Variants in MLLT3 observed in about 807,000 individuals in gnomAD.
The protein encoded by MLLT3 is MLLT3 super elongation complex subunit.
MLLT3 carries 4 observed loss-of-function variants against 53.2 expected under a neutral mutation model. The ratio of observed to expected loss-of-function variants is 0.08; its 90% confidence interval spans 0.04 to 0.17. The LOEUF is 0.17. Among genes scored for constraint, MLLT3 ranks in the 10% least tolerant of loss-of-function variants. MLLT3 has a pLI of 1.00. For missense variants in MLLT3, 569 were observed against 684.0 expected (o/e 0.83, Z 1.87); for synonymous variants, 283 against 230.6 (o/e 1.23, Z -2.06).
chr9:20,598,521 T>G (rs1001135045), intron 2 of MLLT3, among the ~76,000 whole-genome samples: 2 of 152,220 alleles, frequency 1.3e-5, no homozygotes, highest in African/African-American at 4.8e-5. Context: ...GGCTTTAGTT[T>G]TGCTTTTATC....
intron 2 of MLLT3, among the ~76,000 whole-genome samples, chr9:20,573,067 A>G (rs960502705): frequency 1.3e-5 from 2 of 151,906 alleles, no homozygotes; most frequent in African/African-American, 4.8e-5. Context: ...TGATACTTTC[A>G]TATCTCCCAC....
chr9:20,397,067 T>C (rs900125726), intron 5 of MLLT3, among the ~76,000 whole-genome samples: 2 of 152,174 alleles, frequency 1.3e-5, no homozygotes, highest in African/African-American at 4.8e-5. Flanking sequence ...CTTTCTTAGA[T>C]AAATCACACT....
intron 2 of MLLT3, among the ~76,000 whole-genome samples, chr9:20,510,657 G>T (rs1375244647): frequency 4.6e-5 from 7 of 150,918 alleles, no homozygotes; most frequent in African/African-American, 1.7e-4. Flanking sequence ...AAAACTTGGT[G>T]ATTGTTAATA....
At chr9:20,384,072 T>C (rs1821970604) in intron 5 of MLLT3, among the ~76,000 whole-genome samples, 1 of 151,982 alleles carries the variant, frequency 6.6e-6, no homozygotes, top group Non-Finnish European at 1.5e-5. Context: ...CTCAAGAAAA[T>C]GATCCACTTA....
intron 2 of MLLT3, among the ~76,000 whole-genome samples, chr9:20,496,044 T>C (rs540157819): frequency 1.3e-5 from 2 of 152,324 alleles, no homozygotes; most frequent in Admixed American, 1.3e-4. Flanking sequence ...TTGCCCAATA[T>C]GCAACATGTC....
chr9:20,423,082 T>G (rs116210241), intron 4 of MLLT3, among the ~76,000 whole-genome samples: 1 of 152,288 alleles, frequency 6.6e-6, no homozygotes, highest in African/African-American at 2.4e-5. Context: ...TCTTTGGAGA[T>G]GGTCTTGCTC....
chr9:20,599,294 ACT>A (rs1415914884), intron 2 of MLLT3, among the ~76,000 whole-genome samples: 2 of 144,182 alleles, frequency 1.4e-5, no homozygotes, highest in East Asian at 2.0e-4. Flanking sequence ...ACAGAGTAAG[ACT>A]CTGTCTCCAA....
At chr9:20,560,590 T>C (rs988735800) in intron 2 of MLLT3, among the ~76,000 whole-genome samples, 1 of 152,010 alleles carries the variant, frequency 6.6e-6, no homozygotes, top group African/African-American at 2.4e-5. Context: ...AAGAAGTAGA[T>C]ATAGGGTGTG....
intron 4 of MLLT3, among the ~76,000 whole-genome samples, chr9:20,435,853 G>A (rs1431667633): frequency 2.0e-5 from 3 of 151,988 alleles, no homozygotes; most frequent in African/African-American, 4.8e-5. Context: ...CTGTCTTATC[G>A]GTCCTAGATT....
rs528262311 is a variant in MLLT3 at position 20,421,228 on chromosome 9, C to T, written c.421-6803G>A. 2.6e-5 allele frequency among the ~76,000 whole-genome samples: 4 copies of T among 152,178 alleles called. No homozygotes were observed. In the East Asian group the frequency reaches 7.7e-4, roughly 29 times the overall value. On this transcript the variant is annotated intron_variant, in intron 4 of 10. Transcript: ENST00000380338. ...TCAGTGAGCCAAGATTGCGCCACTGCACTCCAGCCTGGGCAATAGAGCAAG... is the reference window on the plus strand; with the variant it reads ...TCAGTGAGCCAAGATTGCGCCACTGTACTCCAGCCTGGGCAATAGAGCAAG...
intron 2 of MLLT3, among the ~76,000 whole-genome samples, chr9:20,472,353 C>T (rs984371423): frequency 6.6e-6 from 1 of 152,030 alleles, no homozygotes; most frequent in African/African-American, 2.4e-5. Context: ...ATATGTGTTG[C>T]CGGCCATTCA....
intron 2 of MLLT3, among the ~76,000 whole-genome samples, chr9:20,608,346 T>C (rs1820617378): frequency 6.6e-6 from 1 of 151,924 alleles, no homozygotes; most frequent in Admixed American, 6.6e-5. Context: ...ACATGTTAAT[T>C]ATCAAAGTTA....
rs114461124 is a variant in MLLT3, at chr9:20,443,336, T to C, written c.420+4787A>G. Among the ~76,000 whole-genome samples, 959 of 152,318 alleles carry C rather than the reference T, an allele frequency of 6.3e-3. 10 individuals carry two copies. Among genetic ancestry groups the C allele is most frequent in the African/African-American group, 0.022 (926 of 41,562 alleles). The stretch of plus-strand genomic sequence containing the variant: ...GTAGAAGCACAAGGATCCAACTACC[T>C]TGCTGGTCATATATGTGAACTCTTC... On this transcript the variant is annotated intron_variant, in intron 4 of 10. Transcript: ENST00000380338.
At chr9:20,446,455 C>A (rs1823702990) in intron 4 of MLLT3, among the ~76,000 whole-genome samples, 1 of 152,160 alleles carries the variant, frequency 6.6e-6, no homozygotes, top group Non-Finnish European at 1.5e-5. Flanking sequence ...AACCTCTCTT[C>A]CAGCTCACAG....
At chr9:20,485,629 T>A (rs6475442) in intron 2 of MLLT3, among the ~76,000 whole-genome samples, 110,629 of 151,838 alleles carry the variant, frequency 0.73, 40,410 homozygotes, top group Middle Eastern at 0.86. Flanking sequence ...CAAGATGTTT[T>A]AAATCACATT....
At chr9:20,515,367 A>G (rs1476551633) in intron 2 of MLLT3, among the ~76,000 whole-genome samples, 1 of 152,198 alleles carries the variant, frequency 6.6e-6, no homozygotes, top group East Asian at 1.9e-4. Context: ...GTTTGTTTTG[A>G]AATTTTAAGT....
At chr9:20,452,235 T>G (rs753730289) in intron 3 of MLLT3, among the ~76,000 whole-genome samples, 1 of 152,190 alleles carries the variant, frequency 6.6e-6, no homozygotes, top group Non-Finnish European at 1.5e-5. Flanking sequence ...TCATCTTGAA[T>G]TGTGGTTCCC....
intron 2 of MLLT3, among the ~76,000 whole-genome samples, chr9:20,535,765 C>A (rs553317982): frequency 6.6e-6 from 1 of 152,132 alleles, no homozygotes; most frequent in East Asian, 1.9e-4. Flanking sequence ...CCTCTCAACT[C>A]CCACATGTCC....
chr9:20,365,551 T>G, intron 6 of MLLT3, 118 bp downstream of exon 6: 10 of 1,135,384 alleles, frequency 8.8e-6, no homozygotes, highest in African/African-American at 1.6e-5. Context: ...GGTTTCACCG[T>G]GTTAGCTAGG....
Sources: gnomAD v4.1 joint callset for allele counts (sites outside exome capture counted in the v4.1 genomes callset) on GRCh38, gnomAD v4.1.1 for gene constraint, MANE v1.5 for transcripts, NCBI Gene and HGNC (gene_info 2026-07-23, HGNC 2026-07-21) for gene names.